The following AUTS2 variants were observed in gnomAD, a reference collection of about 807,000 sequenced individuals.
The protein encoded by AUTS2 is autism susceptibility gene 2 protein.
In AUTS2, 17 loss-of-function variants were observed where a neutral mutation model predicts 112.4. The observed-to-expected ratio is 0.15, with a 90% CI of 0.10 to 0.23. The LOEUF (loss-of-function observed/expected upper bound fraction) is 0.23, where lower values mean the gene tolerates loss of function less well. Ranked by LOEUF, AUTS2 falls within the 10% of genes least tolerant of loss-of-function variation. AUTS2 has a pLI of 1.00. For missense variants in AUTS2, 1,510 were observed against 1,701.6 expected (o/e 0.89, Z 1.98); for synonymous variants, 751 against 702.7 (o/e 1.07, Z -1.09).
At chr7:70,572,788 G>A (rs1481354430) in intron 5 of AUTS2, among the ~76,000 whole-genome samples, 1 of 152,214 alleles carries the variant, frequency 6.6e-6, no homozygotes, top group Non-Finnish European at 1.5e-5. Context: ...CACGGGCACT[G>A]TTGGGGATTG....
At chr7:69,834,921 C>T (rs1157464974) in intron 1 of AUTS2, among the ~76,000 whole-genome samples, 1 of 152,080 alleles carries the variant, frequency 6.6e-6, no homozygotes, top group Non-Finnish European at 1.5e-5. Flanking sequence ...TATGTTCACA[C>T]TTTTCCTTTT....
chr7:70,310,339 G>T (rs780591820), intron 4 of AUTS2, among the ~76,000 whole-genome samples: 1 of 152,038 alleles, frequency 6.6e-6, no homozygotes, highest in Non-Finnish European at 1.5e-5. Flanking sequence ...GGCCGGACGC[G>T]GTGGCTCACG....
intron 1 of AUTS2, among the ~76,000 whole-genome samples, chr7:69,619,815 G>T (rs906234222): frequency 6.6e-6 from 1 of 152,150 alleles, no homozygotes; most frequent in Non-Finnish European, 1.5e-5. Flanking sequence ...CTGGGGATGT[G>T]GGGGAGAGGT....
rs79959302 is a variant in AUTS2 at position 70,613,462 on chromosome 7, G to A, written c.691-85107G>A. 2.0e-3 allele frequency among the ~76,000 whole-genome samples: 300 copies of A among 152,238 alleles called. 9 individuals carry two copies. In the East Asian group the frequency reaches 0.056, roughly 29 times the overall value. Reference sequence around the variant, plus strand: ...ATGAGGAGGGTATTGTGTTAGGTGTGTTTTGTTAGGGATTGACCCTGGTGA... The same window carrying A: ...ATGAGGAGGGTATTGTGTTAGGTGTATTTTGTTAGGGATTGACCCTGGTGA... On this transcript the variant is annotated intron_variant, in intron 5 of 18. Coordinates refer to ENST00000342771, the MANE Select transcript of AUTS2 (RefSeq NM_015570.4).
At chr7:70,331,513 T>C (rs1467999529) in intron 4 of AUTS2, among the ~76,000 whole-genome samples, 4 of 142,466 alleles carry the variant, frequency 2.8e-5, no homozygotes, top group African/African-American at 7.7e-5. Flanking sequence ...CCTGGACTCA[T>C]TGATTTTTTT....
At chr7:70,407,449 G>T (rs1446305577) in intron 4 of AUTS2, among the ~76,000 whole-genome samples, 1 of 152,040 alleles carries the variant, frequency 6.6e-6, no homozygotes, top group Non-Finnish European at 1.5e-5. Context: ...GAACCGGTCG[G>T]GAGTATGTTC....
chr7:70,362,922 G>C (rs1231423486), intron 4 of AUTS2, among the ~76,000 whole-genome samples: 2 of 152,182 alleles, frequency 1.3e-5, no homozygotes, highest in African/African-American at 4.8e-5. Context: ...GTACTCTGCA[G>C]TAAGAGACGG....
At chr7:69,957,310 A>G (rs1041653952) in intron 2 of AUTS2, among the ~76,000 whole-genome samples, 4 of 151,966 alleles carry the variant, frequency 2.6e-5, no homozygotes, top group Non-Finnish European at 5.9e-5. Flanking sequence ...ATCGCTGGGT[A>G]CAAACAGCGA....
chr7:69,664,411 G>A (rs1227986267), intron 1 of AUTS2, among the ~76,000 whole-genome samples: 1 of 152,176 alleles, frequency 6.6e-6, no homozygotes, highest in African/African-American at 2.4e-5. Context: ...AATAAGGCTG[G>A]CAAAGTTCCA....
At chr7:69,733,418 C>T (rs1264957870) in intron 1 of AUTS2, among the ~76,000 whole-genome samples, 2 of 152,094 alleles carry the variant, frequency 1.3e-5, no homozygotes, top group Non-Finnish European at 2.9e-5. Context: ...AAAGTGATGA[C>T]CAATTGTCAA....
intron 2 of AUTS2, among the ~76,000 whole-genome samples, chr7:69,969,394 T>G (rs1454267678): frequency 6.6e-6 from 1 of 152,182 alleles, no homozygotes; most frequent in Non-Finnish European, 1.5e-5. Flanking sequence ...AGCTAAGTAA[T>G]GTAAGGCTCT....
chr7:69,908,143 AC>A (rs1795218828), intron 2 of AUTS2, among the ~76,000 whole-genome samples: 1 of 152,152 alleles, frequency 6.6e-6, no homozygotes, highest in Non-Finnish European at 1.5e-5. Context: ...CTGGGACAAA[AC>A]CGTGCTGAAT....
chr7:70,154,847 C>CT (rs888801888), intron 4 of AUTS2, among the ~76,000 whole-genome samples: 44 of 151,332 alleles, frequency 2.9e-4, no homozygotes, highest in African/African-American at 9.2e-4. Context: ...TGGTTGGGTG[C>CT]TTTTTTTTTC....
At chr7:70,390,485 A>G (rs968195342) in intron 4 of AUTS2, among the ~76,000 whole-genome samples, 1 of 152,130 alleles carries the variant, frequency 6.6e-6, no homozygotes, top group African/African-American at 2.4e-5. Flanking sequence ...GGGCCTCAAG[A>G]GTAGTGACTC....
intron 1 of AUTS2, among the ~76,000 whole-genome samples, chr7:69,744,087 C>T (rs1438888436): frequency 2.0e-5 from 3 of 152,228 alleles, no homozygotes; most frequent in South Asian, 2.1e-4. Flanking sequence ...TGAACCACCA[C>T]GCCTGGCCAG....
intron 5 of AUTS2, among the ~76,000 whole-genome samples, chr7:70,536,523 A>C (rs969927462): frequency 1.4e-5 from 2 of 138,752 alleles, no homozygotes; most frequent in Non-Finnish European, 3.0e-5. Context: ...AAGAAACCAG[A>C]TTCAATGATC....
At position 70,054,196 on chromosome 7, in the gene AUTS2, G is replaced by A. The variant is rs909392773; in HGVS notation, c.523-63936G>A. Among the ~76,000 whole-genome samples the A allele has an allele frequency of 2.0e-5, 3 of 152,250 alleles. No individual in the cohort carries two copies. The East Asian group carries it at 5.8e-4, about 30-fold the overall frequency. ...CATAAATTTAAATTTGCATAGCCAT[G>A]TGTAGCCAGTGGCTACCATACTGGG... On this transcript the variant is annotated intron_variant, in intron 2 of 18. Coordinates refer to ENST00000342771, the MANE Select transcript of AUTS2 (RefSeq NM_015570.4).
intron 5 of AUTS2, among the ~76,000 whole-genome samples, chr7:70,635,255 A>T (rs1459360643): frequency 6.6e-6 from 1 of 152,214 alleles, no homozygotes; most frequent in Non-Finnish European, 1.5e-5. Context: ...TTTCAAGGAC[A>T]TGACATTCAG....
At chr7:70,011,446 C>CA (rs982820515) in intron 2 of AUTS2, among the ~76,000 whole-genome samples, 11 of 150,918 alleles carry the variant, frequency 7.3e-5, no homozygotes, top group Admixed American at 5.3e-4. Flanking sequence ...CTTTTTGTTA[C>CA]AAAAAAATGG....
Sources: allele counts gnomAD v4.1 joint callset (sites outside exome capture counted in the v4.1 genomes callset), GRCh38; gene constraint gnomAD v4.1.1; transcripts MANE v1.5; gene names NCBI Gene and HGNC (gene_info 2026-07-23, HGNC 2026-07-21).